TNRC6B: variants seen among roughly 807,000 people sequenced by gnomAD.
The protein encoded by TNRC6B is trinucleotide repeat-containing gene 6B protein.
Under a neutral mutation model 203.6 loss-of-function variants are expected in TNRC6B, and 52 were observed. The ratio of observed to expected loss-of-function variants is 0.26; its 90% CI spans 0.20 to 0.32. TNRC6B has a LOEUF of 0.32. Ranked by LOEUF, TNRC6B falls within the 10% of genes least tolerant of loss-of-function variation. The pLI is 1.00. For synonymous variants in TNRC6B, 838 were observed against 845.7 expected, an observed-to-expected ratio of 0.99 and a Z score of 0.16; for missense variants, 1,923 against 2,286.2, an observed-to-expected ratio of 0.84 and a Z score of 3.24.
chr22:40,282,186 A>G (rs546733677), intron 11 of TNRC6B, among the ~76,000 whole-genome samples: 1 of 152,232 alleles, frequency 6.6e-6, no homozygotes, highest in Non-Finnish European at 1.5e-5. Flanking sequence ...ATACATGATG[A>G]TGTTCTGTCT....
chr22:40,262,131 G>A lies in TNRC6B; in HGVS notation c.415G>A (p.Val139Met). The change falls in exon 4 of 23, where the codon GTG (valine) becomes ATG (methionine). Residue 139 changes from valine to methionine, a missense_variant. Around this residue, in one of 8 missense-constraint regions of TNRC6B, gnomAD observed 614 missense variants for 587.7 expected, o/e 1.04. Transcript: ENST00000454349. ...APGANPNNAQ[V>M]TGALLQSESG... ...TGGAGCAAACCCAAACAACGCACAA[G>A]TGACAGGAGCGCTGCTGCAGAGTGA... is the stretch of plus-strand genomic sequence containing the variant. The A allele has an allele frequency of 6.7e-7, 1 of 1,492,634 alleles. No individual in the cohort carries two copies. The highest frequency in any genetic ancestry group is 9.1e-7 in the Non-Finnish European group (1 of 1,102,244). 92.5% of individuals were successfully genotyped at this position (1,492,634 alleles called of 1,614,324 possible). A position where few individuals can be genotyped will look rare whatever the true frequency, so the allele number is the denominator to read the frequency against.
intron 1 of TNRC6B, among the ~76,000 whole-genome samples, chr22:40,224,312 G>A (rs769777552): frequency 1.1e-4 from 16 of 152,082 alleles, no homozygotes; most frequent in Non-Finnish European, 1.8e-4. Flanking sequence ...GCCTGTCTTC[G>A]TATACTTTGA....
intron 1 of TNRC6B, among the ~76,000 whole-genome samples, chr22:40,060,444 C>G (rs2067840099): frequency 6.6e-6 from 1 of 152,016 alleles, no homozygotes; most frequent in Admixed American, 6.6e-5. Context: ...GCCCAGCCAA[C>G]CTATGGATTA....
intron 3 of TNRC6B, among the ~76,000 whole-genome samples, chr22:40,133,927 G>A (rs1226731143): frequency 8.0e-6 from 1 of 124,568 alleles, no homozygotes; most frequent in Non-Finnish European, 1.6e-5. Context: ...CCGAGACCGT[G>A]ACATTGTACT....
chr22:40,171,832 G>A (rs1301943730), intron 4 of TNRC6B, among the ~76,000 whole-genome samples: 1 of 151,858 alleles, frequency 6.6e-6, no homozygotes. Flanking sequence ...CATTTCTCTT[G>A]TTTATTGACC....
At chr22:40,260,535 T>C (rs2070364203) in intron 3 of TNRC6B, among the ~76,000 whole-genome samples, 1 of 152,156 alleles carries the variant, frequency 6.6e-6, no homozygotes, top group Admixed American at 6.5e-5. Flanking sequence ...TGGAGAATTT[T>C]CATGGTAGAG....
intron 4 of TNRC6B, among the ~76,000 whole-genome samples, chr22:40,159,643 C>T (rs1016374151): frequency 7.1e-6 from 1 of 140,806 alleles, no homozygotes; most frequent in African/African-American, 2.8e-5. Context: ...CATCTTAAAA[C>T]ATTAAAAAAA....
At chr22:40,281,052 C>T in intron 10 of TNRC6B, 67 bp from the exon 11 acceptor site, 1 of 1,317,286 alleles carries the variant, frequency 7.6e-7, no homozygotes, top group Non-Finnish European at 1.0e-6. Context: ...TCTCTTTTCC[C>T]TTCTTGCATT....
chr22:40,253,229 C>T (rs2070220258), intron 3 of TNRC6B, among the ~76,000 whole-genome samples: 1 of 151,126 alleles, frequency 6.6e-6, no homozygotes, highest in Non-Finnish European at 1.5e-5. Flanking sequence ...CTACAGGCAC[C>T]CGCCACCATG....
intron 1 of TNRC6B, among the ~76,000 whole-genome samples, chr22:40,220,205 T>C (rs1170184979): frequency 2.0e-5 from 3 of 152,200 alleles, no homozygotes; most frequent in Non-Finnish European, 4.4e-5. Context: ...TCTGGGCTTA[T>C]GGAGTGTGTA....
intron 3 of TNRC6B, among the ~76,000 whole-genome samples, chr22:40,142,347 C>T (rs549520538): frequency 6.6e-6 from 1 of 152,110 alleles, no homozygotes; most frequent in South Asian, 2.1e-4. Context: ...CAGGCATGAG[C>T]CACCGTGCAC....
At chr22:40,275,260 G>A (rs1014491112) in intron 7 of TNRC6B, among the ~76,000 whole-genome samples, 1 of 152,128 alleles carries the variant, frequency 6.6e-6, no homozygotes, top group African/African-American at 2.4e-5. Flanking sequence ...GCACTCTTAG[G>A]TTGTCTAGTG....
chr22:40,073,369 C>T (rs2067972123), intron 1 of TNRC6B, among the ~76,000 whole-genome samples: 1 of 152,106 alleles, frequency 6.6e-6, no homozygotes, highest in African/African-American at 2.4e-5. Flanking sequence ...GGATTCAGTA[C>T]TCTGCATTAA....
intron 11 of TNRC6B, among the ~76,000 whole-genome samples, chr22:40,284,593 G>T (rs1247770635): frequency 6.6e-6 from 1 of 152,176 alleles, no homozygotes; most frequent in Non-Finnish European, 1.5e-5. Context: ...TTGAGTTCTG[G>T]GAATACGAAG....
intron 3 of TNRC6B, among the ~76,000 whole-genome samples, chr22:40,146,233 T>C (rs1175745291): frequency 4.6e-5 from 7 of 152,084 alleles, no homozygotes; most frequent in Admixed American, 3.9e-4. Flanking sequence ...ATAAGACACA[T>C]GAACAAATAA....
At chr22:40,080,570 A>G (rs1358059559) in intron 1 of TNRC6B, among the ~76,000 whole-genome samples, 2 of 151,966 alleles carry the variant, frequency 1.3e-5, no homozygotes, top group Non-Finnish European at 2.9e-5. Context: ...GCTGCCACTC[A>G]CCTGTAACCC....
chr22:40,315,972 G>T lies in TNRC6B; in HGVS notation c.4934G>T (p.Arg1645Leu), dbSNP rs769646701. Residue 1645 changes from arginine to leucine, a missense_variant, in exon 21 of 23, where the codon CGT becomes CTT. Coordinates refer to ENST00000454349, the MANE Select transcript of TNRC6B (RefSeq NM_001162501.2). ...ASTWSDGGSV[R>L]PSYWLVLHNL... is the part of the protein sequence containing the mutation. Reference sequence around the variant, plus strand: ...ACCTGGAGTGATGGTGGCTCAGTTCGTCCTAGTTACTGGCTGGTTCTTCAC... The same window carrying T: ...ACCTGGAGTGATGGTGGCTCAGTTCTTCCTAGTTACTGGCTGGTTCTTCAC... The T allele has an allele frequency of 7.4e-6, 12 of 1,613,676 alleles. No homozygotes were observed. Among genetic ancestry groups the T allele is most frequent in the Non-Finnish European group, 7.6e-6 (9 of 1,179,846 alleles).
chr22:40,139,325 ATTTTTTTTTTT>A (rs562172960), intron 3 of TNRC6B, among the ~76,000 whole-genome samples: 1 of 120,618 alleles, frequency 8.3e-6, no homozygotes, highest in East Asian at 2.3e-4. Flanking sequence ...GGGTGTACGC[ATTTTTTTTTTT>A]TTTTTTTTTG....
Position 40,300,926 on chromosome 22 carries a change from T to TGCA in TNRC6B, c.3867_3869dup (p.Gln1293dup), listed in dbSNP as rs777133217. 1.7e-5 allele frequency: 28 copies of TGCA among 1,613,694 alleles called. No individual in the cohort carries two copies. In the African/African-American group the frequency reaches 3.6e-4, roughly 21 times the overall value. On this transcript the variant is annotated inframe_insertion, in exon 14 of 23. Transcript: ENST00000454349. Reference sequence around the variant, plus strand: ...GTTTTGTAGGCATGTCAGCTTCTCTTGCAGCAGCAGCAACAGCAGCAGTTG... The same window carrying TGCA: ...GTTTTGTAGGCATGTCAGCTTCTCTTGCAGCAGCAGCAGCAACAGCAGCAGTTG...
Sources: allele counts gnomAD v4.1 joint callset (sites outside exome capture counted in the v4.1 genomes callset), GRCh38; gene constraint gnomAD v4.1.1; regional missense constraint gnomAD v4.1.1; transcripts MANE v1.5; gene names NCBI Gene and HGNC (gene_info 2026-07-23, HGNC 2026-07-21).